KRT33B: variants seen among roughly 807,000 people sequenced by gnomAD.
The protein encoded by KRT33B is keratin, type I cuticular Ha3-II.
In KRT33B, 37 loss-of-function variants were observed where a neutral mutation model predicts 42.7. That is an observed-to-expected ratio of 0.87 (90% CI 0.67 to 1.14). The LOEUF is 1.14. KRT33B is among the 50% of genes most tolerant of loss of function. KRT33B has a pLI of 0.00. For missense variants in KRT33B, 523 were observed against 515.1 expected, an observed-to-expected ratio of 1.02 and a Z score of -0.15; for synonymous variants, 237 against 221.2, an observed-to-expected ratio of 1.07 and a Z score of -0.63.
rs2017673196 is a variant in KRT33B, at chr17:41,364,832, C to A, written c.1044G>T (p.Arg348=). 1 of 1,612,906 alleles carries A rather than the reference C, an allele frequency of 6.2e-7. No homozygotes were observed. Among genetic ancestry groups the A allele is most frequent in the African/African-American group, 1.4e-5 (1 of 73,920 alleles). The stretch of plus-strand genomic sequence containing the variant: ...GGTATGTGTTGATCTCACACTCCAG[C>A]CGCGCCCGCACGTCCAGCAGCACCT... ...EYQVLLDVRA[R]LECEINTYRS... Residue 348 remains arginine (R), a synonymous_variant, in exon 6 of 7, where the codon CGG becomes CGT. Coordinates refer to ENST00000251646, the MANE Select transcript of KRT33B (RefSeq NM_002279.5).
At chr17:41,364,167 C>T (rs2017663423) in intron 6 of KRT33B, among the ~76,000 whole-genome samples, 1 of 151,230 alleles carries the variant, frequency 6.6e-6, no homozygotes, top group Non-Finnish European at 1.5e-5. Context: ...TTGTATGACC[C>T]TAGACACACA....
At chr17:41,368,062 T>A in intron 1 of KRT33B, 72 bp from the exon 2 acceptor site, 1 of 1,429,764 alleles carries the variant, frequency 7.0e-7, no homozygotes, top group African/African-American at 1.5e-5. Flanking sequence ...AATGCTATTT[T>A]CTTTCAGCCA....
chr17:41,365,730 T>G (rs2144297432), intron 3 of KRT33B, among the ~76,000 whole-genome samples, 177 bp from the exon 4 acceptor site: 1 of 151,484 alleles, frequency 6.6e-6, no homozygotes, highest in South Asian at 2.1e-4. Flanking sequence ...CTCATCTGTA[T>G]GATACGGCTG....
At position 41,364,976 on chromosome 17, in the gene KRT33B, C is replaced by T; in HGVS notation, c.900G>A (p.Leu300=). The T allele has an allele frequency of 6.2e-7, 1 of 1,613,350 alleles. No homozygotes were observed. Among genetic ancestry groups the T allele is most frequent in the Non-Finnish European group, 8.5e-7 (1 of 1,180,046 alleles). ...HNLRYSLENT[L]TESEARYSSQ... is the part of the protein sequence containing the mutation. ...AGCTGTAGCGGGCCTCGCTCTCTGTCAGCGTGTTTTCCAGAGAGTATCGCT... is the reference window on the plus strand; with the variant it reads ...AGCTGTAGCGGGCCTCGCTCTCTGTTAGCGTGTTTTCCAGAGAGTATCGCT... The change falls in exon 6 of 7, where the codon CTG becomes CTA. Residue 300 remains leucine, a synonymous_variant. Transcript: ENST00000251646.
intron 3 of KRT33B, among the ~76,000 whole-genome samples, chr17:41,365,949 T>C (rs985794282): frequency 6.6e-6 from 1 of 151,398 alleles, no homozygotes; most frequent in Non-Finnish European, 1.5e-5. Flanking sequence ...AAACGTCTAA[T>C]GTTTGAGACA....
Position 41,369,514 on chromosome 17 carries a change from C to T in KRT33B, c.237G>A (p.Arg79=). The change falls in exon 1 of 7, where the codon CGG becomes CGA. Residue 79 remains arginine, a synonymous_variant. Transcript: ENST00000251646. The stretch of plus-strand genomic sequence containing the variant: ...TGAGGTTCTCCAGCTCCGCGTTGTC[C>T]CGCTCCAGCTGACGCACCTTCTCCA... ...SYLEKVRQLE[R]DNAELENLIR... 6.2e-7 allele frequency: 1 copy of T among 1,613,996 alleles called. No homozygotes were observed. The highest frequency in any genetic ancestry group is 8.5e-7 in the Non-Finnish European group (1 of 1,180,052).
Position 41,363,796 on chromosome 17 carries a change from G to A in KRT33B, c.*40C>T, listed in dbSNP as rs2017654059. 2 of 1,393,334 alleles carry A rather than the reference G, an allele frequency of 1.4e-6. No individual in the cohort carries two copies. The highest frequency in any genetic ancestry group is 1.7e-5 in the Admixed American group (1 of 57,436). The allele number at this position is 1,393,334 out of a possible 1,614,324, so 86.3% of individuals were successfully genotyped here. A position where few individuals can be genotyped will look rare whatever the true frequency, so the allele number is the denominator to read the frequency against. ...AGGCAGAACTGGCCCACCGATGGTA[G>A]TTCTGTCTTCATGCTATACTTCTGC... On this transcript the variant is annotated 3_prime_UTR_variant, in exon 7 of 7. Transcript: ENST00000251646.
At chr17:41,369,263 A>G in intron 1 of KRT33B, 140 bp downstream of exon 1, 1 of 1,244,330 alleles carries the variant, frequency 8.0e-7, no homozygotes, top group Non-Finnish European at 1.1e-6. Context: ...AGACTACTTG[A>G]TGTCATACCT....
In KRT33B at chr17:41,369,668, C is replaced by G; in HGVS notation, c.83G>C (p.Gly28Ala). Residue 28 changes from glycine to alanine, a missense_variant, in exon 1 of 7, where the codon GGC (glycine) becomes GCC (alanine). By Grantham distance (60) the Gly-to-Ala change is moderately conservative. Coordinates refer to ENST00000251646, the MANE Select transcript of KRT33B (RefSeq NM_002279.5). ...GTTGCAGGCCCCGGGCAGGGTGTAG[C>G]CGTGGCAGCTGGGGGGCACACAGGG... ...SRPCVPPSCHGYTLPGACNIP... is the reference protein window; with the variant it reads ...SRPCVPPSCHAYTLPGACNIP... 6.2e-7 allele frequency: 1 copy of G among 1,613,918 alleles called. No individual in the cohort carries two copies. Among genetic ancestry groups the G allele is most frequent in the Non-Finnish European group, 8.5e-7 (1 of 1,179,990 alleles).
chr17:41,366,326 C>T, intron 3 of KRT33B, 144 bp downstream of exon 3: 1 of 912,030 alleles, frequency 1.1e-6, no homozygotes, highest in Non-Finnish European at 1.6e-6. Flanking sequence ...GTCACTCATT[C>T]CCCAACAAGC....
intron 1 of KRT33B, among the ~76,000 whole-genome samples, chr17:41,368,522 G>T (rs1370552927): frequency 6.6e-6 from 1 of 151,212 alleles, no homozygotes; most frequent in Non-Finnish European, 1.5e-5. Flanking sequence ...TGATCATTTT[G>T]TTTCCACATC....
rs149852020 is a variant in KRT33B, at chr17:41,366,617, C to G, written c.441G>C (p.Thr147=). ...CCACCAGCTGCCGCAGGGACTGCTCCGTCTGGTACCTGCACACACAGCCAG... is the reference window on the plus strand; with the variant it reads ...CCACCAGCTGCCGCAGGGACTGCTCGGTCTGGTACCTGCACACACAGCCAG... The part of the protein sequence containing the change: ...AADDFRTKYQ[T]EQSLRQLVES... The change falls in exon 3 of 7, where the codon ACG becomes ACC. Residue 147 remains threonine, a synonymous_variant. Coordinates refer to ENST00000251646, the MANE Select transcript of KRT33B (RefSeq NM_002279.5). The G allele has an allele frequency of 1.2e-6, 2 of 1,608,698 alleles. No individual in the cohort carries two copies. Among genetic ancestry groups the G allele is most frequent in the Non-Finnish European group, 1.7e-6 (2 of 1,178,738 alleles).
At chr17:41,369,072 C>G (rs942389533) in intron 1 of KRT33B, among the ~76,000 whole-genome samples, 1 of 151,332 alleles carries the variant, frequency 6.6e-6, no homozygotes, top group Non-Finnish European at 1.5e-5. Context: ...CAGGTGCATA[C>G]TTTTTGAAAA....
chr17:41,368,420 C>T (rs1265059825), intron 1 of KRT33B, among the ~76,000 whole-genome samples: 1 of 151,370 alleles, frequency 6.6e-6, no homozygotes, highest in African/African-American at 2.5e-5. Flanking sequence ...TTGCAAAAAG[C>T]TTCTTGCTGT....
At position 41,365,375 on chromosome 17, in the gene KRT33B, C is replaced by T. The variant is rs532425696; in HGVS notation, c.750+17G>A. 1.2e-4 allele frequency: 189 copies of T among 1,609,300 alleles called. No individual in the cohort carries two copies. The highest frequency in any genetic ancestry group is 1.5e-4 in the Non-Finnish European group (178 of 1,177,620). On this transcript the variant is annotated intron_variant, in intron 4 of 6. Transcript: ENST00000251646. ...GGGGGCCTCGGGTCCTGAGTGGCCA[C>T]GTGCTTAGATGCCCACCTGCGTGGC... is the stretch of plus-strand genomic sequence containing the variant.
intron 3 of KRT33B, among the ~76,000 whole-genome samples, 179 bp from the exon 4 acceptor site, chr17:41,365,732 A>G (rs184538464): frequency 6.6e-6 from 1 of 151,442 alleles, no homozygotes; most frequent in African/African-American, 2.5e-5. Context: ...CATCTGTATG[A>G]TACGGCTGCT....
chr17:41,367,725 A>C (rs1201277486), intron 2 of KRT33B, among the ~76,000 whole-genome samples, 183 bp downstream of exon 2: 1 of 151,156 alleles, frequency 6.6e-6, no homozygotes, highest in East Asian at 1.9e-4. Context: ...ATTAAAAAAA[A>C]AAACTTAAAA....
chr17:41,364,700 T>C (rs2144295122), intron 6 of KRT33B, 79 bp downstream of exon 6: 5 of 1,573,230 alleles, frequency 3.2e-6, no homozygotes, highest in Non-Finnish European at 4.3e-6. Context: ...ATCTGAAACT[T>C]GATTTTCAAA....
chr17:41,365,727 G>A (rs2017692637), intron 3 of KRT33B, among the ~76,000 whole-genome samples, 174 bp from the exon 4 acceptor site: 1 of 151,256 alleles, frequency 6.6e-6, no homozygotes, highest in South Asian at 2.1e-4. Flanking sequence ...TCCCTCATCT[G>A]TATGATACGG....
Sources: gnomAD v4.1 joint callset for allele counts (sites outside exome capture counted in the v4.1 genomes callset) on GRCh38, gnomAD v4.1.1 for gene constraint, MANE v1.5 for transcripts, NCBI Gene and HGNC (gene_info 2026-07-23, HGNC 2026-07-21) for gene names.